The following ANKRD7 variants were observed in gnomAD, a reference collection of about 807,000 sequenced individuals.
ANKRD7 encodes ankyrin repeat domain 7.
ANKRD7 carries 30 observed loss-of-function variants against 30.8 expected under a neutral mutation model. The ratio of observed to expected loss-of-function variants is 0.97; its 90% CI spans 0.73 to 1.32. The LOEUF (loss-of-function observed/expected upper bound fraction) is 1.32, where lower values mean the gene tolerates loss of function less well. Among genes scored for constraint, ANKRD7 ranks in the 40% most tolerant of loss-of-function variants. ANKRD7 has a pLI of 0.00. For synonymous variants in ANKRD7, 97 were observed against 106.6 expected, an observed-to-expected ratio of 0.91 and a Z score of 0.55; for missense variants, 264 against 295.7, an observed-to-expected ratio of 0.89 and a Z score of 0.79.
At chr7:118,233,249 A>G (rs1450328112) in intron 1 of ANKRD7, among the ~76,000 whole-genome samples, 2 of 152,180 alleles carry the variant, frequency 1.3e-5, no homozygotes, top group East Asian at 1.9e-4. Flanking sequence ...TCCATGTAGT[A>G]TGTTAATTAA....
Position 118,236,210 on chromosome 7 carries a change from A to ATGTGTGTGTGTGTGTG in ANKRD7, c.575+77_575+92dup, listed in dbSNP as rs3993811. ...ACCTGATAGGATTGTGTGTGTGCGT[A>ATGTGTGTGTGTGTGTG]TGTGTGTGTGTGTGTGTGTGTGTGT... On this transcript the variant is annotated intron_variant, in intron 4 of 6. Transcript: ENST00000265224. The ATGTGTGTGTGTGTGTG allele has an allele frequency of 1.5e-4, 89 of 606,010 alleles. No homozygotes were observed. In the African/African-American group the frequency reaches 1.5e-3, roughly 10 times the overall value. The allele number at this position is 606,010 out of a possible 1,614,324, so 37.5% of individuals were successfully genotyped here. A position where few individuals can be genotyped will look rare whatever the true frequency, so the allele number is the denominator to read the frequency against.
intron 3 of ANKRD7, among the ~76,000 whole-genome samples, chr7:118,235,437 C>G (rs56090802): frequency 6.6e-6 from 1 of 151,716 alleles, no homozygotes; most frequent in Non-Finnish European, 1.5e-5. Flanking sequence ...GTGGTGAAAC[C>G]CCGTCTCTAC....
chr7:118,231,464 G>C lies in ANKRD7; in HGVS notation c.180-2967G>C, dbSNP rs28550410. On this transcript the variant is annotated intron_variant, in intron 1 of 6. Coordinates refer to ENST00000265224, the MANE Select transcript of ANKRD7 (RefSeq NM_019644.4). ...ATCTAGATTACATCGAAAGTGCCCA[G>C]CCTAGAGATGAAAATAAATGACCTA... 9.4e-3 allele frequency among the ~76,000 whole-genome samples: 1,426 copies of C among 152,064 alleles called. 21 individuals carry two copies. Among genetic ancestry groups the C allele is most frequent in the African/African-American group, 0.032 (1,328 of 41,490 alleles).
At position 118,236,088 on chromosome 7, in the gene ANKRD7, A is replaced by G. The variant is rs374853402; in HGVS notation, c.516A>G (p.Lys172=). 2 of 1,608,398 alleles carry G rather than the reference A, an allele frequency of 1.2e-6. No individual in the cohort carries two copies. The highest frequency in any genetic ancestry group is 2.2e-5 in the South Asian group (2 of 90,678). ...LLVAVINNNP[K]MVKFLLEKGA... ...TTGCCGTTATTAACAATAATCCAAA[A>G]ATGGTAAAATTTCTTCTGGAGAAAG... The change falls in exon 4 of 7, where the codon AAA becomes AAG. Residue 172 remains lysine (K), a synonymous_variant. Coordinates refer to ENST00000265224, the MANE Select transcript of ANKRD7 (RefSeq NM_019644.4).
chr7:118,239,487 A>G (rs1384147679), intron 5 of ANKRD7, among the ~76,000 whole-genome samples: 1 of 152,164 alleles, frequency 6.6e-6, no homozygotes, highest in Non-Finnish European at 1.5e-5. Flanking sequence ...AATGCCTGGG[A>G]CAGATTTTCC....
chr7:118,236,841 T>G lies in ANKRD7; in HGVS notation c.627T>G (p.Leu209=), dbSNP rs776242086. 4.3e-6 allele frequency: 7 copies of G among 1,613,934 alleles called. No homozygotes were observed. Among genetic ancestry groups the G allele is most frequent in the East Asian group, 2.2e-5 (1 of 44,880 alleles). ...VSGEPPCLVK[L]LLQQGVELCY... is the part of the protein sequence containing the mutation. ...GTGAACCACCATGTTTAGTAAAGCT[T>G]CTTCTTCAGCAAGGTGTGGAATTAT... The change falls in exon 5 of 7, where the codon CTT becomes CTG. Residue 209 remains leucine (L), a synonymous_variant. Transcript: ENST00000265224.
intron 3 of ANKRD7, among the ~76,000 whole-genome samples, chr7:118,235,814 T>C (rs1809718720): frequency 6.6e-6 from 1 of 152,176 alleles, no homozygotes; most frequent in African/African-American, 2.4e-5. Context: ...TGCTCTTACC[T>C]ACAATTTGAA....
chr7:118,240,216 G>C (rs1040329246), intron 6 of ANKRD7, among the ~76,000 whole-genome samples: 37 of 151,722 alleles, frequency 2.4e-4, no homozygotes, highest in African/African-American at 9.0e-4. Flanking sequence ...CATTGTGCAG[G>C]TTAGTTACAT....
At chr7:118,232,314 T>C (rs1809655703) in intron 1 of ANKRD7, among the ~76,000 whole-genome samples, 1 of 152,118 alleles carries the variant, frequency 6.6e-6, no homozygotes, top group Admixed American at 6.5e-5. Flanking sequence ...ATTTTGGTTT[T>C]TTTTTAAACT....
At chr7:118,225,473 G>A (rs1192726870) in intron 1 of ANKRD7, among the ~76,000 whole-genome samples, 1 of 147,282 alleles carries the variant, frequency 6.8e-6, no homozygotes, top group African/African-American at 2.5e-5. Context: ...GAGTAACAGA[G>A]CAAGACTCAT....
rs1809739540 is a variant in ANKRD7 at position 118,236,876 on chromosome 7, G to A, written c.662G>A (p.Gly221Asp). The part of the protein sequence containing the change: ...LQQGVELCYE[G>D]IVDSQLRNMF... ...CAAGGTGTGGAATTATGTTACGAAGGTATTGTGGATTCACAGCTGAGGAAT... is the reference window on the plus strand; with the variant it reads ...CAAGGTGTGGAATTATGTTACGAAGATATTGTGGATTCACAGCTGAGGAAT... The change falls in exon 5 of 7, where the codon GGT becomes GAT. Residue 221 changes from glycine to aspartate, a missense_variant. Physicochemically the swap from Gly to Asp is moderately conservative, Grantham distance 94. Coordinates refer to ENST00000265224, the MANE Select transcript of ANKRD7 (RefSeq NM_019644.4). The A allele has an allele frequency of 6.2e-7, 1 of 1,613,864 alleles. No homozygotes were observed. The highest frequency in any genetic ancestry group is 1.3e-5 in the African/African-American group (1 of 74,908).
At position 118,225,518 on chromosome 7, in the gene ANKRD7, A is replaced by G. The variant is rs144992691; in HGVS notation, c.179+509A>G. ...AAAAAAAAAAATTGCTTGCTTGAAT[A>G]TTTTCTACCCTTCCTGAATCCATCC... On this transcript the variant is annotated intron_variant, in intron 1 of 6. Coordinates refer to ENST00000265224, the MANE Select transcript of ANKRD7 (RefSeq NM_019644.4). Among the ~76,000 whole-genome samples the G allele has an allele frequency of 1.5e-4, 23 of 151,540 alleles. No individual in the cohort carries two copies. In the East Asian group the frequency reaches 4.1e-3, roughly 27 times the overall value.
intron 1 of ANKRD7, among the ~76,000 whole-genome samples, chr7:118,230,485 A>G (rs763807026): frequency 6.7e-6 from 1 of 149,786 alleles, no homozygotes; most frequent in East Asian, 1.9e-4. Flanking sequence ...GGTTTTAGAT[A>G]TGGGGGGAGG....
intron 1 of ANKRD7, among the ~76,000 whole-genome samples, chr7:118,225,372 C>T (rs1470016965): frequency 9.2e-5 from 14 of 151,682 alleles, no homozygotes; most frequent in Admixed American, 7.9e-4. Flanking sequence ...CCTGTAATCC[C>T]AGCTACTCAG....
At position 118,224,764 on chromosome 7, in the gene ANKRD7, G is replaced by T; in HGVS notation, c.-67G>T. On this transcript the variant is annotated 5_prime_UTR_variant, in exon 1 of 7. Coordinates refer to ENST00000265224, the MANE Select transcript of ANKRD7 (RefSeq NM_019644.4). ...GCCGGCCGGATGCCAGGGCAGAGGG[G>T]CAGGGCGGACGGCTAGGAGTTCAAG... 2 of 1,543,808 alleles carry T rather than the reference G, an allele frequency of 1.3e-6. No individual in the cohort carries two copies. Among genetic ancestry groups the T allele is most frequent in the South Asian group, 1.3e-5 (1 of 78,564 alleles).
chr7:118,238,778 G>A (rs1429384548), intron 5 of ANKRD7, among the ~76,000 whole-genome samples: 1 of 152,130 alleles, frequency 6.6e-6, no homozygotes, highest in Non-Finnish European at 1.5e-5. Flanking sequence ...ATTCATCACT[G>A]GGTGTGTTTC....
intron 1 of ANKRD7, among the ~76,000 whole-genome samples, chr7:118,230,727 A>G (rs17141104): frequency 0.032 from 4,888 of 151,980 alleles, 131 homozygotes; most frequent in East Asian, 0.077. Context: ...TGCTATTTCC[A>G]AGAGAGATGA....
chr7:118,241,367 G>T (rs1050341210), intron 6 of ANKRD7, among the ~76,000 whole-genome samples: 7 of 151,360 alleles, frequency 4.6e-5, no homozygotes, highest in African/African-American at 1.7e-4. Context: ...GACATAGAAG[G>T]AGTGTGGAGG....
intron 5 of ANKRD7, among the ~76,000 whole-genome samples, chr7:118,238,298 A>AT (rs969338854): frequency 8.6e-5 from 13 of 151,170 alleles, no homozygotes; most frequent in Admixed American, 3.3e-4. Context: ...AGAGAATTAC[A>AT]TTTTTTTTTC....
Sources: gnomAD v4.1 joint callset for allele counts (sites outside exome capture counted in the v4.1 genomes callset) on GRCh38, gnomAD v4.1.1 for gene constraint, MANE v1.5 for transcripts, NCBI Gene and HGNC (gene_info 2026-07-23, HGNC 2026-07-21) for gene names.